The following GEMIN8 variants were observed in gnomAD, a reference collection of about 807,000 sequenced individuals.
GEMIN8 encodes gem-associated protein 8.
For missense variants in GEMIN8, 185 were observed against 205.9 expected (o/e 0.90, Z 0.62); for synonymous variants, 80 against 78.5 (o/e 1.02, Z -0.10).
rs765879777 is a variant in GEMIN8 at position 14,020,248 on chromosome X, C to T, written c.302G>A (p.Arg101His). 1.7e-5 allele frequency: 20 copies of T among 1,209,432 alleles called. No individual in the cohort carries two copies. Among genetic ancestry groups the T allele is most frequent in the African/African-American group, 3.5e-5 (2 of 57,062 alleles). ...GGATGCCTGGATCCTACTGCTGTAA[C>T]GTGGATGCTGCCCAGATCTTCTGAA... Reference protein sequence around the residue: ...SHFRRSGQHPRYSSRIQASTK... With the variant: ...SHFRRSGQHPHYSSRIQASTK... The change falls in exon 4 of 5, where the codon CGT becomes CAT. Residue 101 changes from arginine to histidine, a missense_variant. Transcript: ENST00000680255.
the GEMIN8 span, among the ~76,000 whole-genome samples, chrX:13,992,467 T>C: frequency 9.0e-6 from 1 of 111,189 alleles, no homozygotes; most frequent in Non-Finnish European, 1.9e-5. Flanking sequence ...GGTGGGAGTG[T>C]TCTGGGCTGT....
chrX:13,986,504 CAG>C, the GEMIN8 span, among the ~76,000 whole-genome samples: 2 of 112,470 alleles, frequency 1.8e-5, no homozygotes, highest in Non-Finnish European at 1.9e-5. Flanking sequence ...CTACCATCTC[CAG>C]GGTGTTACCT....
chrX:14,017,310 T>C (rs1924002034), intron 4 of GEMIN8, among the ~76,000 whole-genome samples: 1 of 111,600 alleles, frequency 9.0e-6, no homozygotes, highest in Admixed American at 9.5e-5. Flanking sequence ...AAAATGAGGT[T>C]CAAGATGGAA....
At chrX:14,002,887 T>C (rs1384837679), downstream of GEMIN8, among the ~76,000 whole-genome samples, 2 of 111,656 alleles carry the variant, frequency 1.8e-5, no homozygotes, top group Non-Finnish European at 3.8e-5. Context: ...TGGATGTTTT[T>C]TGAACTCCTC....
At chrX:14,002,097 C>CAAAAA (rs59550732), downstream of GEMIN8, among the ~76,000 whole-genome samples, 8 of 23,616 alleles carry the variant, frequency 3.4e-4, no homozygotes, top group African/African-American at 6.9e-4. Context: ...TGCACTCCAG[C>CAAAAA]AAAAAAAAAA....
the GEMIN8 span, among the ~76,000 whole-genome samples, chrX:13,991,148 G>C: frequency 8.9e-6 from 1 of 112,700 alleles, no homozygotes; most frequent in Non-Finnish European, 1.9e-5. Context: ...AAAGAGAAAA[G>C]AGCTGCAATG....
chrX:14,019,437 A>G (rs779679745), intron 4 of GEMIN8, among the ~76,000 whole-genome samples: 4 of 112,195 alleles, frequency 3.6e-5, no homozygotes, highest in Non-Finnish European at 7.5e-5. Context: ...CAGGGCCTCA[A>G]TGCAGAACCA....
chrX:14,002,368 T>C (rs757473499), downstream of GEMIN8, among the ~76,000 whole-genome samples: 2 of 109,785 alleles, frequency 1.8e-5, no homozygotes, highest in African/African-American at 3.3e-5. Flanking sequence ...GATAGATAGA[T>C]AGATAAATAG....
intron 2 of GEMIN8, among the ~76,000 whole-genome samples, chrX:14,023,330 T>A (rs779727981): frequency 9.0e-6 from 1 of 111,628 alleles, no homozygotes; most frequent in South Asian, 3.7e-4. Flanking sequence ...AGAGCAAAAC[T>A]GTAAGGTGCA....
intron 2 of GEMIN8, 92 bp downstream of exon 2, chrX:14,026,048 C>T: frequency 1.3e-6 from 1 of 749,762 alleles, no homozygotes; most frequent in Non-Finnish European, 1.6e-6. Flanking sequence ...TCAGAGACTA[C>T]TACCTCTCAA....
intron 3 of GEMIN8, 87 bp from the exon 4 acceptor site, chrX:14,020,621 C>T (rs1924250963): frequency 1.6e-6 from 1 of 612,775 alleles, no homozygotes; most frequent in Non-Finnish European, 2.6e-6. Flanking sequence ...TGCTACCCAA[C>T]AGGTATTTAC....
At chrX:14,006,458 G>GA (rs765724693), downstream of GEMIN8, among the ~76,000 whole-genome samples, 9 of 111,122 alleles carry the variant, frequency 8.1e-5, 1 homozygote, top group African/African-American at 2.3e-4. Context: ...AAAAAAGGGA[G>GA]AAAAAAAATC....
At chrX:14,025,655 C>CA (rs956581329) in intron 2 of GEMIN8, among the ~76,000 whole-genome samples, 2 of 111,206 alleles carry the variant, frequency 1.8e-5, no homozygotes, top group African/African-American at 6.5e-5. Context: ...ATATGTGGGA[C>CA]AAAAAAACAC....
At chrX:14,028,441 C>T (rs1924808439) in intron 1 of GEMIN8, among the ~76,000 whole-genome samples, 1 of 112,076 alleles carries the variant, frequency 8.9e-6, no homozygotes, top group Non-Finnish European at 1.9e-5. Flanking sequence ...TTCAATTCAT[C>T]TGATATTTGA....
In GEMIN8 at chrX:14,009,167, G is replaced by A. The variant is rs1053425758; in HGVS notation, c.475C>T (p.Arg159Trp). The change falls in exon 5 of 5, where the codon CGG (arginine) becomes TGG (tryptophan). Residue 159 changes from arginine to tryptophan, a missense_variant and splice_region_variant. By Grantham distance (101) the Arg-to-Trp change is moderately radical. Transcript: ENST00000680255. ...CGCTCTGCATCCAGCTGCTGCTGCCGCCCTGAGAACAAACACGAACGTGAA... is the reference window on the plus strand; with the variant it reads ...CGCTCTGCATCCAGCTGCTGCTGCCACCCTGAGAACAAACACGAACGTGAA... ...ETERHREERRRQQQLDAERLD... is the reference protein window; with the variant it reads ...ETERHREERRWQQQLDAERLD... 17 of 1,209,004 alleles carry A rather than the reference G, an allele frequency of 1.4e-5. No homozygotes were observed. The highest frequency in any genetic ancestry group is 5.2e-5 in the African/African-American group (3 of 57,295).
the GEMIN8 span, among the ~76,000 whole-genome samples, chrX:13,990,772 T>A: frequency 8.9e-6 from 1 of 112,128 alleles, no homozygotes; most frequent in Non-Finnish European, 1.9e-5. Context: ...GTCTCTGGAG[T>A]CCAGAGCTGG....
chrX:14,025,212 G>A (rs1203720037), intron 2 of GEMIN8, among the ~76,000 whole-genome samples: 2 of 111,126 alleles, frequency 1.8e-5, no homozygotes, highest in Non-Finnish European at 3.8e-5. Flanking sequence ...ATTATTTTTA[G>A]CTAGGTCTTT....
chrX:13,990,020 T>C, the GEMIN8 span, among the ~76,000 whole-genome samples: 1 of 112,971 alleles, frequency 8.9e-6, no homozygotes, highest in South Asian at 3.6e-4. Flanking sequence ...TGGACTATTA[T>C]GTGCTGTCCA....
At chrX:14,026,287 C>A in intron 1 of GEMIN8, 66 bp from the exon 2 acceptor site, 5 of 753,048 alleles carry the variant, frequency 6.6e-6, no homozygotes, top group Non-Finnish European at 7.8e-6. Context: ...ACCCGGCAGC[C>A]CTCTCCAGTG....
Sources: gnomAD v4.1 joint callset for allele counts (sites outside exome capture counted in the v4.1 genomes callset) on GRCh38, gnomAD v4.1.1 for gene constraint, MANE v1.5 for transcripts, NCBI Gene and HGNC (gene_info 2026-07-23, HGNC 2026-07-21) for gene names.